GALNT5: variants seen among roughly 807,000 people sequenced by gnomAD.
GALNT5 encodes the protein UDP-GalNAc:polypeptide N-acetylgalactosaminyltransferase 5.
Under a neutral mutation model 85.4 loss-of-function variants are expected in GALNT5, and 72 were observed. The ratio of observed to expected loss-of-function variants is 0.84; its 90% CI spans 0.70 to 1.03. The LOEUF is 1.03. Among genes scored for constraint, GALNT5 ranks in the 50% least tolerant of loss-of-function variants. The pLI, the probability that GALNT5 is intolerant of heterozygous loss-of-function variation, is 0.00. For synonymous variants in GALNT5, 404 were observed against 397.0 expected (o/e 1.02, Z -0.21); for missense variants, 1,137 against 1,135.5 (o/e 1.00, Z -0.02).
chr2:157,303,367 T>G (rs1683382762), intron 7 of GALNT5, among the ~76,000 whole-genome samples: 1 of 152,228 alleles, frequency 6.6e-6, no homozygotes, highest in African/African-American at 2.4e-5. Context: ...AATGTATTTT[T>G]ACACTGGATT....
intron 1 of GALNT5, among the ~76,000 whole-genome samples, chr2:157,273,299 A>G (rs1682632892): frequency 6.6e-6 from 1 of 152,002 alleles, no homozygotes; most frequent in South Asian, 2.1e-4. Context: ...ATTGTCCTCT[A>G]ATTGTTGGAA....
chr2:157,273,804 G>C (rs1014174492), intron 1 of GALNT5, among the ~76,000 whole-genome samples: 2 of 151,430 alleles, frequency 1.3e-5, no homozygotes, highest in East Asian at 3.9e-4. Flanking sequence ...CACCATGCCA[G>C]GGTAATTTTT....
At chr2:157,282,875 T>C (rs1202118813) in intron 1 of GALNT5, among the ~76,000 whole-genome samples, 1 of 152,244 alleles carries the variant, frequency 6.6e-6, no homozygotes, top group Non-Finnish European at 1.5e-5. Context: ...GCAGTTGTTA[T>C]GAAGACTGAA....
chr2:157,276,996 T>C (rs1250374489), intron 1 of GALNT5, among the ~76,000 whole-genome samples: 1 of 152,228 alleles, frequency 6.6e-6, no homozygotes, highest in Non-Finnish European at 1.5e-5. Context: ...GCTTTAAATG[T>C]GTCCCAGAGA....
chr2:157,277,132 T>C (rs1682748463), intron 1 of GALNT5, among the ~76,000 whole-genome samples: 1 of 152,226 alleles, frequency 6.6e-6, no homozygotes, highest in Non-Finnish European at 1.5e-5. Context: ...TTGTGCAGTT[T>C]TGAGTAAATT....
chr2:157,287,458 G>C (rs1006399352), intron 3 of GALNT5, among the ~76,000 whole-genome samples: 1 of 151,740 alleles, frequency 6.6e-6, no homozygotes, highest in African/African-American at 2.4e-5. Context: ...CATCGATATG[G>C]ATTTATGGCT....
intron 3 of GALNT5, among the ~76,000 whole-genome samples, chr2:157,287,265 T>C (rs1385018919): frequency 6.6e-6 from 1 of 152,188 alleles, no homozygotes; most frequent in East Asian, 1.9e-4. Flanking sequence ...TTAGTATCCA[T>C]TGATCATCCT....
Position 157,317,686 on chromosome 2 carries a change from T to C in GALNT5, c.*6338T>C, listed in dbSNP as rs1683746975. On this transcript the variant is annotated 3_prime_UTR_variant, in exon 10 of 10. Coordinates refer to ENST00000259056, the MANE Select transcript of GALNT5 (RefSeq NM_014568.3). ...ATAAAGAAGGAATCAAGTATGTAAC[T>C]TTAAATTCTAGGTAAACATCCAAAT... Among the ~76,000 whole-genome samples the C allele has an allele frequency of 6.6e-6, 1 of 152,186 alleles. No homozygotes were observed. The highest frequency in any genetic ancestry group is 1.5e-5 in the Non-Finnish European group (1 of 68,014).
intron 9 of GALNT5, among the ~76,000 whole-genome samples, chr2:157,309,743 A>T (rs1683527781): frequency 6.6e-6 from 1 of 152,176 alleles, no homozygotes; most frequent in South Asian, 2.1e-4. Context: ...GGCCTGAGTA[A>T]TGTATTCTCC....
At chr2:157,265,723 G>C (rs1018501525) in intron 1 of GALNT5, among the ~76,000 whole-genome samples, 3 of 152,162 alleles carry the variant, frequency 2.0e-5, no homozygotes, top group African/African-American at 7.2e-5. Context: ...AGCCTCTCAA[G>C]AGAGAAACAA....
chr2:157,282,709 T>G (rs1185271786), intron 1 of GALNT5, among the ~76,000 whole-genome samples: 1 of 151,072 alleles, frequency 6.6e-6, no homozygotes, highest in Non-Finnish European at 1.5e-5. Flanking sequence ...TTTGAGCACA[T>G]ATCTATTTCC....
chr2:157,287,259 T>C (rs1683001706), intron 3 of GALNT5, among the ~76,000 whole-genome samples: 1 of 152,206 alleles, frequency 6.6e-6, no homozygotes, highest in African/African-American at 2.4e-5. Context: ...TGGTTTTTAG[T>C]ATCCATTGAT....
chr2:157,311,188 C>T lies in GALNT5; in HGVS notation c.2683-20C>T, dbSNP rs745714301. The stretch of plus-strand genomic sequence containing the variant: ...TCAAATTCAGCCTGTGGCTCATTCC[C>T]AGCTCTTCTTTCTCTCCAGGTGAAT... On this transcript the variant is annotated intron_variant, in intron 9 of 9. Coordinates refer to ENST00000259056, the MANE Select transcript of GALNT5 (RefSeq NM_014568.3). 1.9e-6 allele frequency: 3 copies of T among 1,595,716 alleles called. No individual in the cohort carries two copies. In the African/African-American group the frequency reaches 4.1e-5, roughly 22 times the overall value.
chr2:157,284,894 A>G (rs545725276), intron 2 of GALNT5, among the ~76,000 whole-genome samples: 20 of 152,352 alleles, frequency 1.3e-4, no homozygotes, highest in African/African-American at 4.3e-4. Context: ...TGATGTGTTC[A>G]GTTAAGTGTT....
At chr2:157,285,975 T>G (rs778422266) in intron 2 of GALNT5, 40 bp from the exon 3 acceptor site, 2 of 1,516,452 alleles carry the variant, frequency 1.3e-6, no homozygotes, top group East Asian at 4.6e-5. Context: ...CGGACTTACT[T>G]AATTCAAGTA....
chr2:157,305,657 TA>T, intron 7 of GALNT5, 91 bp from the exon 8 acceptor site: 1 of 729,864 alleles, frequency 1.4e-6, no homozygotes, highest in South Asian at 1.6e-5. Context: ...AACCTTATTA[TA>T]GTTTTATATT....
chr2:157,305,650 C>A lies in GALNT5; in HGVS notation c.2440-99C>A, dbSNP rs578170711. On this transcript the variant is annotated intron_variant, in intron 7 of 9. Transcript: ENST00000259056. ...TAATGCTAAGCTATTAACTTTTAAC[C>A]TTATTATAGTTTTATATTCTGTATT... 445 of 704,304 alleles carry A rather than the reference C, an allele frequency of 6.3e-4. 1 individual carries two copies. The African/African-American group carries it at 6.7e-3, about 11-fold the overall frequency. The allele number at this position is 704,304 out of a possible 1,614,324, so 43.6% of individuals were successfully genotyped here.
chr2:157,296,640 G>C (rs1683220214), intron 5 of GALNT5, 127 bp downstream of exon 5: 1 of 681,738 alleles, frequency 1.5e-6, no homozygotes. Flanking sequence ...CTAGCCAATA[G>C]ATTACCAAAG....
rs776106957 is a variant in GALNT5 at position 157,284,450 on chromosome 2, T to C, written c.1621+2T>C. The C allele has an allele frequency of 5.0e-6, 8 of 1,612,952 alleles. No individual in the cohort carries two copies. Among genetic ancestry groups the C allele is most frequent in the Non-Finnish European group, 6.8e-6 (8 of 1,179,268 alleles). On this transcript the variant is annotated splice_donor_variant, in intron 2 of 9. Transcript: ENST00000259056. LOFTEE classifies it high-confidence loss of function. ...TGGTAGATGACTTCAGCACCAAAGGTAAGAAAACCACTCAGGCTATCTCTT... is the reference window on the plus strand; with the variant it reads ...TGGTAGATGACTTCAGCACCAAAGGCAAGAAAACCACTCAGGCTATCTCTT...
Sources: allele counts gnomAD v4.1 joint callset (sites outside exome capture counted in the v4.1 genomes callset), GRCh38; gene constraint gnomAD v4.1.1; transcripts MANE v1.5; gene names NCBI Gene and HGNC (gene_info 2026-07-23, HGNC 2026-07-21).